SLC27A6: variants seen among roughly 807,000 people sequenced by gnomAD.
SLC27A6 encodes the protein long-chain fatty acid transport protein 6.
In SLC27A6, 74 loss-of-function variants were observed where a neutral mutation model predicts 63.9. That is an observed-to-expected ratio of 1.16 (90% CI 0.96 to 1.40). The LOEUF (loss-of-function observed/expected upper bound fraction) is 1.40, where lower values mean the gene tolerates loss of function less well. SLC27A6 is among the 40% of genes most tolerant of loss of function. The pLI, the probability that SLC27A6 is intolerant of heterozygous loss-of-function variation, is 0.00. For synonymous variants in SLC27A6, 287 were observed against 260.8 expected (o/e 1.10, Z -0.97); for missense variants, 794 against 732.9 (o/e 1.08, Z -0.96).
At chr5:128,975,824 C>T in intron 1 of SLC27A6, among the ~76,000 whole-genome samples, 1 of 152,220 alleles carries the variant, frequency 6.6e-6, no homozygotes, top group East Asian at 1.9e-4. Flanking sequence ...AAGCATCATT[C>T]CCTTTCAGTA....
chr5:128,972,579 G>GCATC (rs1389210128), intron 1 of SLC27A6, among the ~76,000 whole-genome samples: 1 of 152,226 alleles, frequency 6.6e-6, no homozygotes, highest in Middle Eastern at 3.4e-3. Flanking sequence ...GCTTATGCAT[G>GCATC]CATCATGCAG....
intron 4 of SLC27A6, among the ~76,000 whole-genome samples, chr5:128,997,717 G>A (rs535188586): frequency 2.6e-5 from 4 of 152,094 alleles, no homozygotes; most frequent in South Asian, 2.1e-4. Context: ...CATATATCCC[G>A]TCTTTGTAAA....
chr5:129,025,465 C>G (rs1752208243), intron 6 of SLC27A6, among the ~76,000 whole-genome samples: 2 of 151,876 alleles, frequency 1.3e-5, no homozygotes, highest in African/African-American at 4.8e-5. Flanking sequence ...TATATATACT[C>G]CGACTCCTGC....
intron 4 of SLC27A6, among the ~76,000 whole-genome samples, chr5:129,001,550 T>C (rs1181041478): frequency 6.6e-6 from 1 of 152,246 alleles, no homozygotes; most frequent in Non-Finnish European, 1.5e-5. Context: ...CATATGTTTA[T>C]ATTTTAGGTG....
chr5:128,989,871 C>T (rs1236286555), intron 3 of SLC27A6, among the ~76,000 whole-genome samples: 1 of 149,674 alleles, frequency 6.7e-6, no homozygotes, highest in Non-Finnish European at 1.5e-5. Context: ...TTGCAGTGAG[C>T]CGAGTTCGTG....
chr5:129,026,645 T>G (rs1752255382), intron 6 of SLC27A6, among the ~76,000 whole-genome samples: 1 of 152,162 alleles, frequency 6.6e-6, no homozygotes, highest in Non-Finnish European at 1.5e-5. Flanking sequence ...TCGGTCCTAG[T>G]TCCTTGCTGG....
intron 4 of SLC27A6, among the ~76,000 whole-genome samples, chr5:129,005,639 G>A (rs1392262826): frequency 1.7e-5 from 2 of 116,330 alleles, no homozygotes; most frequent in African/African-American, 6.9e-5. Context: ...GCGAGACAGA[G>A]TCTCGCTCTG....
intron 4 of SLC27A6, among the ~76,000 whole-genome samples, chr5:128,993,709 ACT>A (rs1398397395): frequency 1.1e-4 from 16 of 152,120 alleles, no homozygotes; most frequent in African/African-American, 3.4e-4. Flanking sequence ...ATTCTTTTTA[ACT>A]CTCTGAATCT....
chr5:129,026,426 G>A (rs1752246850), intron 6 of SLC27A6, among the ~76,000 whole-genome samples: 1 of 152,110 alleles, frequency 6.6e-6, no homozygotes, highest in East Asian at 1.9e-4. Flanking sequence ...AAGTATCATA[G>A]AATAGGAAAC....
At chr5:128,986,123 G>A (rs1370298861) in intron 2 of SLC27A6, among the ~76,000 whole-genome samples, 1 of 152,078 alleles carries the variant, frequency 6.6e-6, no homozygotes, top group African/African-American at 2.4e-5. Context: ...ACCAGCCTAG[G>A]CAACACAGTG....
intron 4 of SLC27A6, among the ~76,000 whole-genome samples, chr5:129,000,385 A>C (rs1751293803): frequency 2.6e-5 from 4 of 152,182 alleles, no homozygotes; most frequent in Admixed American, 2.6e-4. Context: ...GTAGATCCTC[A>C]ACAAAATTTG....
intron 4 of SLC27A6, among the ~76,000 whole-genome samples, chr5:129,003,252 T>C (rs1751405231): frequency 6.6e-6 from 1 of 152,158 alleles, no homozygotes; most frequent in Admixed American, 6.5e-5. Flanking sequence ...AAAATCAAAG[T>C]TCTGTGAAAA....
chr5:129,014,241 CA>C (rs1157615637), intron 4 of SLC27A6, among the ~76,000 whole-genome samples: 1 of 152,040 alleles, frequency 6.6e-6, no homozygotes, highest in East Asian at 1.9e-4. Context: ...TATTTGGAAA[CA>C]AAAAATTGCA....
intron 1 of SLC27A6, among the ~76,000 whole-genome samples, chr5:128,978,936 A>T (rs1338003058): frequency 1.3e-5 from 2 of 152,172 alleles, no homozygotes; most frequent in African/African-American, 4.8e-5. Flanking sequence ...TTTTCAGTAC[A>T]GTAACATGGT....
chr5:129,008,395 C>G (rs1751616940), intron 4 of SLC27A6, among the ~76,000 whole-genome samples: 2 of 152,192 alleles, frequency 1.3e-5, no homozygotes. Flanking sequence ...ATAGCCCACA[C>G]AAGTTAAAGC....
At chr5:129,013,122 T>A (rs1332708693) in intron 4 of SLC27A6, among the ~76,000 whole-genome samples, 1 of 152,022 alleles carries the variant, frequency 6.6e-6, no homozygotes, top group African/African-American at 2.4e-5. Context: ...AGTATTTTTC[T>A]TTGAGTAATT....
intron 9 of SLC27A6, 25 bp downstream of exon 9, chr5:129,029,732 A>G (rs1752358195): frequency 6.3e-7 from 1 of 1,577,904 alleles, no homozygotes; most frequent in Admixed American, 1.9e-5. Context: ...GGAGTTTACT[A>G]TCAAATATAA....
chr5:129,001,736 G>A (rs983731099), intron 4 of SLC27A6, among the ~76,000 whole-genome samples: 3 of 152,148 alleles, frequency 2.0e-5, no homozygotes, highest in African/African-American at 7.2e-5. Flanking sequence ...AAAATTACCT[G>A]TATTTAAACA....
intron 1 of SLC27A6, among the ~76,000 whole-genome samples, chr5:128,982,295 A>G (rs1407104691): frequency 6.6e-6 from 1 of 152,186 alleles, no homozygotes; most frequent in Non-Finnish European, 1.5e-5. Context: ...TAAGCATCTC[A>G]CCTAAATAAA....
Sources: allele counts gnomAD v4.1 joint callset (sites outside exome capture counted in the v4.1 genomes callset), GRCh38; gene constraint gnomAD v4.1.1; transcripts MANE v1.5; gene names NCBI Gene and HGNC (gene_info 2026-07-23, HGNC 2026-07-21).